Variants in NRXN3 observed in about 807,000 individuals in gnomAD.
NRXN3 encodes neurexin III.
Under a neutral mutation model 137.6 loss-of-function variants are expected in NRXN3, and 32 were observed. The observed-to-expected ratio is 0.23, with a 90% CI of 0.18 to 0.31. NRXN3 has a LOEUF of 0.31. Among genes scored for constraint, NRXN3 ranks in the 10% least tolerant of loss-of-function variants. NRXN3 has a pLI of 1.00. For synonymous variants in NRXN3, 798 were observed against 784.5 expected, an observed-to-expected ratio of 1.02 and a Z score of -0.29; for missense variants, 1,574 against 2,062.5, an observed-to-expected ratio of 0.76 and a Z score of 4.59.
At chr14:79,211,428 T>C (rs2067644457) in intron 15 of NRXN3, among the ~76,000 whole-genome samples, 1 of 152,188 alleles carries the variant, frequency 6.6e-6, no homozygotes, top group South Asian at 2.1e-4. Flanking sequence ...GCAGTTGCCA[T>C]TTATTACATC....
At chr14:78,594,693 C>T (rs185511463) in intron 4 of NRXN3, among the ~76,000 whole-genome samples, 206 of 152,252 alleles carry the variant, frequency 1.4e-3, no homozygotes, top group Admixed American at 2.0e-3. Flanking sequence ...TGGCAATGTC[C>T]GCTACGAAGG....
intron 8 of NRXN3, among the ~76,000 whole-genome samples, chr14:78,750,283 G>A (rs2152949951): frequency 6.6e-6 from 1 of 152,332 alleles, no homozygotes; most frequent in Non-Finnish European, 1.5e-5. Context: ...TTGCAGAGCA[G>A]ATATAGTCGA....
chr14:78,529,371 G>A (rs1391032050), intron 4 of NRXN3, among the ~76,000 whole-genome samples: 1 of 152,260 alleles, frequency 6.6e-6, no homozygotes, highest in East Asian at 1.9e-4. Context: ...GGGTGTAAAT[G>A]GTGGCAACTG....
chr14:78,422,116 G>T (rs2093472019), intron 4 of NRXN3, among the ~76,000 whole-genome samples: 1 of 152,126 alleles, frequency 6.6e-6, no homozygotes. Context: ...CTGTGCAAAG[G>T]TGAAGGTTTC....
chr14:79,406,592 T>A (rs2095318751), intron 15 of NRXN3, among the ~76,000 whole-genome samples: 1 of 152,036 alleles, frequency 6.6e-6, no homozygotes, highest in African/African-American at 2.4e-5. Context: ...CATCAGCCAC[T>A]ACTTCTGGCC....
At chr14:78,331,865 T>A (rs183153598) in intron 4 of NRXN3, among the ~76,000 whole-genome samples, 20 of 152,318 alleles carry the variant, frequency 1.3e-4, no homozygotes, top group Middle Eastern at 3.4e-3. Context: ...TTCACTCTGC[T>A]GCATCAATAT....
intron 15 of NRXN3, among the ~76,000 whole-genome samples, chr14:79,332,022 C>T (rs1483917176): frequency 6.6e-6 from 1 of 152,124 alleles, no homozygotes; most frequent in East Asian, 1.9e-4. Context: ...ATAGTGTTAG[C>T]AATTTGGCAC....
chr14:79,358,607 G>GAGAAAGAAAGAAAA (rs2093540452), intron 15 of NRXN3, among the ~76,000 whole-genome samples: 16 of 79,944 alleles, frequency 2.0e-4, no homozygotes, highest in African/African-American at 6.3e-4. Flanking sequence ...AAGAAAGAAA[G>GAGAAAGAAAGAAAA]AGAAAGAAAG....
At chr14:79,021,294 C>T (rs983665982) in intron 15 of NRXN3, among the ~76,000 whole-genome samples, 2 of 152,142 alleles carry the variant, frequency 1.3e-5, no homozygotes, top group Admixed American at 1.3e-4. Context: ...TAAACATCAT[C>T]ATGTCACCTA....
intron 16 of NRXN3, among the ~76,000 whole-genome samples, chr14:79,524,078 A>G (rs577159075): frequency 6.6e-6 from 1 of 152,338 alleles, no homozygotes; most frequent in African/African-American, 2.4e-5. Flanking sequence ...TGACAAAACT[A>G]TCTTGCGGAG....
intron 15 of NRXN3, among the ~76,000 whole-genome samples, chr14:79,413,883 C>CAAAAAAAAAA (rs372803175): frequency 1.3e-5 from 1 of 76,324 alleles, no homozygotes; most frequent in East Asian, 4.4e-4. Flanking sequence ...ATGTGGTTCT[C>CAAAAAAAAAA]AAAAAAAAAA....
intron 10 of NRXN3, among the ~76,000 whole-genome samples, chr14:78,900,546 T>G (rs185895151): frequency 5.2e-4 from 79 of 151,978 alleles, no homozygotes; most frequent in Non-Finnish European, 1.9e-4. Context: ...TTTCTCTCTC[T>G]TCTTCTGAAG....
At chr14:79,127,982 G>A (rs1419654855) in intron 15 of NRXN3, among the ~76,000 whole-genome samples, 1 of 150,224 alleles carries the variant, frequency 6.7e-6, no homozygotes, top group African/African-American at 2.4e-5. Context: ...CTGTTTGTCT[G>A]TTGTTGGTGT....
Position 79,210,661 on chromosome 14 carries a change from A to G in NRXN3, c.3262+222520A>G, listed in dbSNP as rs554223845. 2.6e-5 allele frequency among the ~76,000 whole-genome samples: 4 copies of G among 152,294 alleles called. No homozygotes were observed. The South Asian group carries it at 8.3e-4, about 32-fold the overall frequency. On this transcript the variant is annotated intron_variant, in intron 15 of 20. Transcript: ENST00000335750. Reference sequence around the variant, plus strand: ...CTTCAGAAAGTTTCTTTGAGATTTCATATAGAATTCCTTGGTTTTAATAAA... The same window carrying G: ...CTTCAGAAAGTTTCTTTGAGATTTCGTATAGAATTCCTTGGTTTTAATAAA...
chr14:79,336,980 A>G lies in NRXN3; in HGVS notation c.3263-130241A>G, dbSNP rs557135316. On this transcript the variant is annotated intron_variant, in intron 15 of 20. Coordinates refer to ENST00000335750, the MANE Select transcript of NRXN3 (RefSeq NM_001330195.2). The stretch of plus-strand genomic sequence containing the variant: ...TTCTTTCTTATGACCTTGGCCACAT[A>G]CTTTAAACTCCTTGGGAAAATATGC... Among the ~76,000 whole-genome samples the G allele has an allele frequency of 8.5e-5, 13 of 152,234 alleles. No homozygotes were observed. In the South Asian group the frequency reaches 2.7e-3, roughly 32 times the overall value.
At chr14:78,467,205 A>G (rs1342656906) in intron 4 of NRXN3, among the ~76,000 whole-genome samples, 1 of 152,140 alleles carries the variant, frequency 6.6e-6, no homozygotes, top group Non-Finnish European at 1.5e-5. Context: ...GGTCACTCAC[A>G]TTTGGCTCAG....
At chr14:79,750,614 T>C (rs926538198) in intron 19 of NRXN3, among the ~76,000 whole-genome samples, 8 of 152,050 alleles carry the variant, frequency 5.3e-5, no homozygotes, top group African/African-American at 1.7e-4. Flanking sequence ...AACCTGGGGG[T>C]ACTGATTTTC....
At chr14:79,504,110 T>C (rs770210988) in intron 16 of NRXN3, among the ~76,000 whole-genome samples, 8 of 152,146 alleles carry the variant, frequency 5.3e-5, no homozygotes, top group Non-Finnish European at 8.8e-5. Context: ...CAATCAGTTG[T>C]TTCAAACCAC....
At position 79,479,979 on chromosome 14, in the gene NRXN3, G is replaced by A. The variant is rs556326070; in HGVS notation, c.3444+12577G>A. On this transcript the variant is annotated intron_variant, in intron 16 of 20. Coordinates refer to ENST00000335750, the MANE Select transcript of NRXN3 (RefSeq NM_001330195.2). ...TCGGTGTATGATAAATGCCATATCA[G>A]AAGTCCTCAAATACTCTTGATTAAA... is the stretch of plus-strand genomic sequence containing the variant. 3.9e-5 allele frequency among the ~76,000 whole-genome samples: 6 copies of A among 152,250 alleles called. No homozygotes were observed. The South Asian group carries it at 1.0e-3, about 26-fold the overall frequency.
Sources: gnomAD v4.1 joint callset for allele counts (sites outside exome capture counted in the v4.1 genomes callset) on GRCh38, gnomAD v4.1.1 for gene constraint, MANE v1.5 for transcripts, NCBI Gene and HGNC (gene_info 2026-07-23, HGNC 2026-07-21) for gene names.